Variants in BCL9 observed in about 807,000 individuals in gnomAD.
BCL9 encodes the protein B-cell CLL/lymphoma 9 protein.
BCL9 carries 25 observed loss-of-function variants against 88.5 expected under a neutral mutation model. The observed-to-expected ratio is 0.28, with a 90% CI of 0.21 to 0.39. The LOEUF (loss-of-function observed/expected upper bound fraction) is 0.39. Ranked by LOEUF, BCL9 falls within the 10% of genes least tolerant of loss-of-function variation. The pLI, the probability that BCL9 is intolerant of heterozygous loss-of-function variation, is 1.00. For synonymous variants in BCL9, 711 were observed against 673.3 expected, an observed-to-expected ratio of 1.06 and a Z score of -0.87; for missense variants, 1,817 against 1,877.8, an observed-to-expected ratio of 0.97 and a Z score of 0.60.
intron 9 of BCL9, among the ~76,000 whole-genome samples, chr1:147,622,757 GT>G (rs1206347530): frequency 1.3e-5 from 2 of 152,148 alleles, no homozygotes; most frequent in Non-Finnish European, 2.9e-5. Context: ...TTTCTTTATA[GT>G]TCTGATGCTT....
intron 2 of BCL9, among the ~76,000 whole-genome samples, chr1:147,605,786 T>C (rs978738845): frequency 2.8e-4 from 42 of 152,176 alleles, no homozygotes; most frequent in African/African-American, 9.9e-4. Context: ...TCCTGAGGCT[T>C]TTTAGTTCCA....
intron 1 of BCL9, among the ~76,000 whole-genome samples, chr1:147,560,775 T>C (rs904751135): frequency 4.6e-5 from 7 of 152,154 alleles, no homozygotes; most frequent in Non-Finnish European, 7.3e-5. Context: ...ATAAATAATT[T>C]TTTTAAAGTA....
At chr1:147,609,245 A>C (rs1216216436) in intron 3 of BCL9, among the ~76,000 whole-genome samples, 1 of 152,214 alleles carries the variant, frequency 6.6e-6, no homozygotes, top group Non-Finnish European at 1.5e-5. Flanking sequence ...TGAAGAGCCT[A>C]ATTTTATTCT....
intron 1 of BCL9, among the ~76,000 whole-genome samples, chr1:147,545,888 G>A (rs1253606883): frequency 1.3e-5 from 2 of 152,144 alleles, no homozygotes; most frequent in African/African-American, 4.8e-5. Context: ...GTAAGGTTAT[G>A]TGACTCACCC....
chr1:147,582,783 T>C (rs1156757892), intron 1 of BCL9, among the ~76,000 whole-genome samples: 3 of 152,238 alleles, frequency 2.0e-5, no homozygotes, highest in African/African-American at 2.4e-5. Context: ...CAGAGCTGAG[T>C]AGTTGCAATA....
intron 1 of BCL9, among the ~76,000 whole-genome samples, chr1:147,587,814 G>C (rs1198990168): frequency 6.6e-6 from 1 of 151,436 alleles, no homozygotes; most frequent in African/African-American, 2.4e-5. Context: ...ATGGGGATTA[G>C]GGAAGAGTTC....
chr1:147,577,208 G>A (rs1553198183), intron 1 of BCL9, among the ~76,000 whole-genome samples: 1 of 152,144 alleles, frequency 6.6e-6, no homozygotes, highest in Non-Finnish European at 1.5e-5. Context: ...ACTAGCCAAG[G>A]TCCTCGTCAG....
intron 3 of BCL9, among the ~76,000 whole-genome samples, chr1:147,609,300 T>C (rs912074962): frequency 3.9e-5 from 6 of 152,232 alleles, no homozygotes; most frequent in Non-Finnish European, 7.3e-5. Flanking sequence ...CTCAGTCGTT[T>C]TTATCATCAG....
chr1:147,605,435 A>G (rs1657644256), intron 2 of BCL9, among the ~76,000 whole-genome samples: 2 of 152,242 alleles, frequency 1.3e-5, no homozygotes, highest in African/African-American at 2.4e-5. Flanking sequence ...CAGAGAAGGG[A>G]CATCTGTGCT....
chr1:147,550,529 T>C (rs750036926), intron 1 of BCL9, among the ~76,000 whole-genome samples: 79 of 152,296 alleles, frequency 5.2e-4, no homozygotes, highest in Non-Finnish European at 7.5e-4. Flanking sequence ...TTCATGTATT[T>C]ATCAAAAAGC....
rs782687718 is a variant in BCL9 at position 147,624,810 on chromosome 1, C to G, written c.4132C>G (p.Pro1378Ala). ...LYTHPGPVGS[P>A]GMMMSMQGMM... is the part of the protein sequence containing the mutation. Reference sequence around the variant, plus strand: ...CACCCACCCTGGGCCTGTGGGCTCTCCAGGCATGATGATGTCCATGCAGGG... The same window carrying G: ...CACCCACCCTGGGCCTGTGGGCTCTGCAGGCATGATGATGTCCATGCAGGG... The change falls in exon 10 of 10, where the codon CCA becomes GCA. Residue 1378 changes from proline to alanine, a missense_variant. This residue lies in a region of BCL9 where 589 missense variants were observed against 686.2 expected (regional missense o/e 0.86). Coordinates refer to ENST00000234739, the MANE Select transcript of BCL9 (RefSeq NM_004326.4). This position sits in a 1 kb window ranked among gnomAD's most constrained non-coding sequence, Gnocchi z 4.4. 6.2e-7 allele frequency: 1 copy of G among 1,614,094 alleles called. No homozygotes were observed. Among genetic ancestry groups the G allele is most frequent in the Non-Finnish European group, 8.5e-7 (1 of 1,180,000 alleles).
chr1:147,612,953 C>G lies in BCL9; in HGVS notation c.124C>G (p.Leu42Val), dbSNP rs1282463938. 6.2e-7 allele frequency: 1 copy of G among 1,613,632 alleles called. No homozygotes were observed. The highest frequency in any genetic ancestry group is 8.5e-7 in the Non-Finnish European group (1 of 1,179,806). ...TVMSPSGNPQ[L>V]DSKFSNQGKQ... ...GATGTCCCCATCTGGAAACCCCCAG[C>G]TGGATTCCAAATTCTCCAATCAGGG... The change falls in exon 5 of 10, where the codon CTG (leucine) becomes GTG (valine). Residue 42 changes from leucine (L) to valine (V), a missense_variant. Physicochemically the swap from Leu to Val is conservative, Grantham distance 32. Around this residue, in one of 2 missense-constraint regions of BCL9, gnomAD observed 1,228 missense variants for 1,191.6 expected, o/e 1.03. Coordinates refer to ENST00000234739, the MANE Select transcript of BCL9 (RefSeq NM_004326.4).
At position 147,620,080 on chromosome 1, in the gene BCL9, G is replaced by A; in HGVS notation, c.1925G>A (p.Gly642Asp). 1 of 1,614,208 alleles carries A rather than the reference G, an allele frequency of 6.2e-7. No homozygotes were observed. Among genetic ancestry groups the A allele is most frequent in the Non-Finnish European group, 8.5e-7 (1 of 1,180,044 alleles). ...FQQQLAEKQL[G>D]LPPGMAMEGI... ...CAGCAGCTGGCAGAGAAACAGCTGGGTCTCCCCCCAGGGATGGCCATGGAA... is the reference window on the plus strand; with the variant it reads ...CAGCAGCTGGCAGAGAAACAGCTGGATCTCCCCCCAGGGATGGCCATGGAA... Residue 642 changes from glycine to aspartate, a missense_variant, in exon 8 of 10, where the codon GGT becomes GAT. Physicochemically the swap from Gly to Asp is moderately conservative, Grantham distance 94. Around this residue, in one of 2 missense-constraint regions of BCL9, gnomAD observed 1,228 missense variants for 1,191.6 expected, o/e 1.03. Coordinates refer to ENST00000234739, the MANE Select transcript of BCL9 (RefSeq NM_004326.4).
At chr1:147,551,249 A>C (rs1467316511) in intron 1 of BCL9, among the ~76,000 whole-genome samples, 1 of 152,332 alleles carries the variant, frequency 6.6e-6, no homozygotes, top group African/African-American at 2.4e-5. Flanking sequence ...CCAATTAGTA[A>C]GTGACAACTA....
chr1:147,564,892 C>T (rs930549203), intron 1 of BCL9, among the ~76,000 whole-genome samples: 1 of 152,064 alleles, frequency 6.6e-6, no homozygotes, highest in Non-Finnish European at 1.5e-5. Context: ...TAACCACTAT[C>T]CGTATGTGGC....
At chr1:147,562,316 C>T (rs1191937459) in intron 1 of BCL9, among the ~76,000 whole-genome samples, 1 of 151,770 alleles carries the variant, frequency 6.6e-6, no homozygotes, top group East Asian at 1.9e-4. Context: ...ACAACAAGAG[C>T]GAAATTCCAT....
At chr1:147,573,066 G>T (rs904471761) in intron 1 of BCL9, among the ~76,000 whole-genome samples, 1 of 152,234 alleles carries the variant, frequency 6.6e-6, no homozygotes, top group South Asian at 2.1e-4. Flanking sequence ...TTGTCAGGGT[G>T]TTTTGTATTG....
chr1:147,584,524 A>C (rs1018381387), intron 1 of BCL9, among the ~76,000 whole-genome samples: 6 of 151,744 alleles, frequency 4.0e-5, no homozygotes, highest in Non-Finnish European at 8.8e-5. Flanking sequence ...TTTTTAATCC[A>C]CTTATCTGTG....
rs1016757382 is a variant in BCL9 at position 147,612,024 on chromosome 1, T to G, written c.53+135T>G. ...AATGGGAAAGGAAGAGAAAATAGAC[T>G]AGTAAATAGTAATATAACAGTAAGC... is the stretch of plus-strand genomic sequence containing the variant. On this transcript the variant is annotated intron_variant, in intron 4 of 9. Transcript: ENST00000234739. 3.3e-5 allele frequency: 26 copies of G among 798,652 alleles called. No homozygotes were observed. In the African/African-American group the frequency reaches 4.3e-4, roughly 13 times the overall value. The allele number at this position is 798,652 out of a possible 1,614,324, so 49.5% of individuals were successfully genotyped here.
Sources: allele counts gnomAD v4.1 joint callset (sites outside exome capture counted in the v4.1 genomes callset), GRCh38; gene constraint gnomAD v4.1.1; regional missense constraint gnomAD v4.1.1; non-coding constraint Gnocchi (gnomAD v3.1); transcripts MANE v1.5; gene names NCBI Gene and HGNC (gene_info 2026-07-23, HGNC 2026-07-21).